Variants in CTIF observed in about 807,000 individuals in gnomAD.
CTIF encodes the protein cap binding complex dependent translation initiation factor.
In CTIF, 21 loss-of-function variants were observed where a neutral mutation model predicts 66.0. The ratio of observed to expected loss-of-function variants is 0.32; its 90% CI spans 0.23 to 0.46. CTIF has a LOEUF of 0.46. CTIF is among the 20% of genes least tolerant of loss of function. The probability of loss-of-function intolerance (pLI) is 1.00; values close to 1 mark genes in which losing one functional copy is unlikely to be tolerated. For missense variants in CTIF, 739 were observed against 812.7 expected (o/e 0.91, Z 1.10); for synonymous variants, 345 against 326.4 (o/e 1.06, Z -0.62).
At chr18:48,705,172 A>G (rs573104503) in intron 6 of CTIF, among the ~76,000 whole-genome samples, 5 of 152,322 alleles carry the variant, frequency 3.3e-5, no homozygotes, top group Admixed American at 6.5e-5. Flanking sequence ...GCTGACGGCA[A>G]CAGCAGTGCA....
At chr18:48,792,289 A>C (rs910399874) in intron 9 of CTIF, among the ~76,000 whole-genome samples, 1 of 148,196 alleles carries the variant, frequency 6.7e-6, no homozygotes, top group Non-Finnish European at 1.5e-5. Context: ...AACTGCAAGA[A>C]GTCCAGGTCA....
At chr18:48,697,523 AAGG>A (rs1406458437) in intron 6 of CTIF, among the ~76,000 whole-genome samples, 4 of 152,284 alleles carry the variant, frequency 2.6e-5, no homozygotes, top group African/African-American at 7.2e-5. Flanking sequence ...CAAAGCCTGG[AAGG>A]AGGAGTGTGT....
chr18:48,771,736 A>ACCT (rs1338274969), intron 9 of CTIF, among the ~76,000 whole-genome samples: 1 of 151,804 alleles, frequency 6.6e-6, no homozygotes, highest in African/African-American at 2.4e-5. Context: ...CACCCCCAGC[A>ACCT]CCTCCTCCTC....
chr18:48,857,339 G>C (rs1198876184), intron 10 of CTIF, among the ~76,000 whole-genome samples: 1 of 152,218 alleles, frequency 6.6e-6, no homozygotes, highest in Non-Finnish European at 1.5e-5. Context: ...TGGCCCAGGG[G>C]CTCCACATCG....
chr18:48,565,616 T>G (rs2089263426), intron 1 of CTIF: 1 of 152,200 alleles, frequency 6.6e-6, no homozygotes, highest in Non-Finnish European at 1.5e-5. Flanking sequence ...GTGCTTTAGT[T>G]CCCTGATCTG....
chr18:48,807,601 GAC>G, intron 9 of CTIF, among the ~76,000 whole-genome samples: 1 of 122,718 alleles, frequency 8.1e-6, no homozygotes, highest in South Asian at 2.7e-4. Context: ...TTTTTTTTGA[GAC>G]AGAGTCTCGC....
intron 7 of CTIF, among the ~76,000 whole-genome samples, chr18:48,748,386 A>C (rs1328187351): frequency 6.6e-6 from 1 of 151,938 alleles, no homozygotes; most frequent in Admixed American, 6.6e-5. Context: ...GGGAGGGATA[A>C]TGATGGTGCT....
In CTIF at chr18:48,558,678, C is replaced by A. The variant is rs577822978; in HGVS notation, c.-29+19366C>A. Among the ~76,000 whole-genome samples the A allele has an allele frequency of 7.2e-5, 11 of 152,244 alleles. No homozygotes were observed. In the South Asian group the frequency reaches 2.3e-3, roughly 32 times the overall value. On this transcript the variant is annotated intron_variant, in intron 1 of 11. Transcript: ENST00000256413. ...GTTTGTTTCAAATGCATCTGTTTTGCAAATTTAGATTCTTAAACAGCAACT... is the reference window on the plus strand; with the variant it reads ...GTTTGTTTCAAATGCATCTGTTTTGAAAATTTAGATTCTTAAACAGCAACT...
intron 9 of CTIF, among the ~76,000 whole-genome samples, chr18:48,807,170 G>A (rs2068164535): frequency 6.6e-6 from 1 of 152,168 alleles, no homozygotes. Context: ...GGGTTTTGGT[G>A]GCCTCTGGGC....
intron 1 of CTIF, among the ~76,000 whole-genome samples, chr18:48,585,919 A>C (rs918280889): frequency 2.0e-5 from 3 of 152,236 alleles, no homozygotes; most frequent in Non-Finnish European, 2.9e-5. Context: ...TCAATTTCAT[A>C]AATCTTTATA....
rs1418412669 is a variant in CTIF, at chr18:48,780,890, G to A, written c.1371+19201G>A. ...GGGGGGCGTGCTGATAGCCTCAGGA[G>A]GCCCATCTGTCCCTCCCTCTCTCCC... On this transcript the variant is annotated intron_variant, in intron 9 of 11. Transcript: ENST00000256413. Among the ~76,000 whole-genome samples, 5 of 152,270 alleles carry A rather than the reference G, an allele frequency of 3.3e-5. No individual in the cohort carries two copies. In the East Asian group the frequency reaches 9.7e-4, roughly 29 times the overall value.
chr18:48,584,497 TTGTG>T (rs2089725948), intron 1 of CTIF, among the ~76,000 whole-genome samples: 1 of 152,246 alleles, frequency 6.6e-6, no homozygotes, highest in East Asian at 1.9e-4. Flanking sequence ...CAAAATCCCA[TTGTG>T]TGTGATGTAG....
At chr18:48,546,708 G>C (rs941733810) in intron 1 of CTIF, among the ~76,000 whole-genome samples, 3 of 152,082 alleles carry the variant, frequency 2.0e-5, no homozygotes, top group Admixed American at 6.6e-5. Context: ...TCCGAGACTA[G>C]AGATGATACC....
chr18:48,681,879 A>G (rs2091749632), intron 6 of CTIF, among the ~76,000 whole-genome samples: 1 of 152,038 alleles, frequency 6.6e-6, no homozygotes. Flanking sequence ...TCCGCCTCCC[A>G]GGTTCAAGCA....
chr18:48,580,235 G>A (rs1242573538), intron 1 of CTIF, among the ~76,000 whole-genome samples: 3 of 152,220 alleles, frequency 2.0e-5, no homozygotes, highest in African/African-American at 4.8e-5. Flanking sequence ...CGGGTAGAGT[G>A]CTTGGTGCGG....
Position 48,711,602 on chromosome 18 carries a change from C to G in CTIF, c.508-17C>G. 4.3e-6 allele frequency: 7 copies of G among 1,610,136 alleles called. No homozygotes were observed. Among genetic ancestry groups the G allele is most frequent in the Non-Finnish European group, 5.1e-6 (6 of 1,176,706 alleles). On this transcript the variant is annotated splice_polypyrimidine_tract_variant and intron_variant, in intron 6 of 11. Transcript: ENST00000256413. ...CAGGAGTTACTAATGATCCCCCTTC[C>G]TCCCCCCATGACACAGGGCTACCAC...
intron 1 of CTIF, among the ~76,000 whole-genome samples, chr18:48,610,621 A>G (rs2090291350): frequency 6.6e-6 from 1 of 152,164 alleles, no homozygotes; most frequent in Non-Finnish European, 1.5e-5. Flanking sequence ...CTCCGATCTC[A>G]GCCCCCATTC....
chr18:48,599,502 C>T (rs1400775796), intron 1 of CTIF, among the ~76,000 whole-genome samples: 1 of 152,106 alleles, frequency 6.6e-6, no homozygotes, highest in Admixed American at 6.5e-5. Flanking sequence ...GTTGAGATTT[C>T]AGGGTCTATT....
At chr18:48,732,597 A>G (rs1195870265) in intron 7 of CTIF, among the ~76,000 whole-genome samples, 1 of 152,218 alleles carries the variant, frequency 6.6e-6, no homozygotes, top group Non-Finnish European at 1.5e-5. Context: ...AAGCATCTTC[A>G]GGTGTAAGAA....
Sources: gnomAD v4.1 joint callset for allele counts (sites outside exome capture counted in the v4.1 genomes callset) on GRCh38, gnomAD v4.1.1 for gene constraint, MANE v1.5 for transcripts, NCBI Gene and HGNC (gene_info 2026-07-23, HGNC 2026-07-21) for gene names.